DLGAP1: variants seen among roughly 807,000 people sequenced by gnomAD.
DLGAP1 encodes disks large-associated protein 1.
DLGAP1 carries 11 observed loss-of-function variants against 90.8 expected under a neutral mutation model. That is an observed-to-expected ratio of 0.12 (90% confidence interval 0.08 to 0.20). DLGAP1 has a LOEUF of 0.20. DLGAP1 is among the 10% of genes least tolerant of loss of function. The pLI, the probability that DLGAP1 is intolerant of heterozygous loss-of-function variation, is 1.00. For synonymous variants in DLGAP1, 558 were observed against 540.7 expected (o/e 1.03, Z -0.44); for missense variants, 1,050 against 1,333.8 (o/e 0.79, Z 3.31).
chr18:3,977,299 T>C (rs560089711), intron 3 of DLGAP1, among the ~76,000 whole-genome samples: 7 of 152,302 alleles, frequency 4.6e-5, no homozygotes, highest in African/African-American at 1.4e-4. Flanking sequence ...ATCGAACTCC[T>C]GAGCTCCAGT....
chr18:4,380,129 C>T (rs1208142362), intron 1 of DLGAP1, among the ~76,000 whole-genome samples: 1 of 152,112 alleles, frequency 6.6e-6, no homozygotes, highest in Non-Finnish European at 1.5e-5. Context: ...TAAAATTATA[C>T]TCATGACTAT....
chr18:3,751,205 G>A (rs540125503), intron 5 of DLGAP1, among the ~76,000 whole-genome samples: 1 of 152,308 alleles, frequency 6.6e-6, no homozygotes, highest in East Asian at 1.9e-4. Flanking sequence ...ATCATCTCAT[G>A]AAATGGATGA....
At chr18:3,561,266 C>CAAAAAAAAA (rs71159092) in intron 9 of DLGAP1, among the ~76,000 whole-genome samples, 2 of 110,482 alleles carry the variant, frequency 1.8e-5, no homozygotes, top group Non-Finnish European at 3.8e-5. Context: ...AAAAAAAAAA[C>CAAAAAAAAA]AAAAAAAAAA....
intron 3 of DLGAP1, chr18:3,978,389 T>C (rs1022221065): frequency 3.0e-6 from 1 of 333,074 alleles, no homozygotes; most frequent in Non-Finnish European, 5.9e-6. Flanking sequence ...CCTTGGATGA[T>C]GAGTGATGCA....
chr18:3,642,917 C>T (rs1477793253), intron 7 of DLGAP1, among the ~76,000 whole-genome samples: 2 of 152,224 alleles, frequency 1.3e-5, no homozygotes, highest in Non-Finnish European at 2.9e-5. Context: ...CTCTTCGACA[C>T]TTTCACCCAA....
chr18:4,329,718 TTC>T (rs1432000084), intron 1 of DLGAP1, among the ~76,000 whole-genome samples: 1 of 152,034 alleles, frequency 6.6e-6, no homozygotes, highest in Non-Finnish European at 1.5e-5. Context: ...TTGCATTTAT[TTC>T]TGTTTTTAAT....
intron 3 of DLGAP1, among the ~76,000 whole-genome samples, chr18:3,950,313 C>T (rs2148963757): frequency 6.6e-6 from 1 of 152,312 alleles, no homozygotes; most frequent in Non-Finnish European, 1.5e-5. Context: ...GTTTTCTCTC[C>T]TACCTGGTTA....
intron 1 of DLGAP1, among the ~76,000 whole-genome samples, chr18:4,453,633 T>C (rs2083889991): frequency 6.6e-6 from 1 of 152,224 alleles, no homozygotes; most frequent in Admixed American, 6.5e-5. Context: ...TCAGCATTTC[T>C]CATCTCCATG....
chr18:4,336,889 A>G (rs2081078362), intron 1 of DLGAP1, among the ~76,000 whole-genome samples: 1 of 150,404 alleles, frequency 6.6e-6, no homozygotes, highest in Non-Finnish European at 1.5e-5. Flanking sequence ...TCACGAGGTC[A>G]GGAGATCGAG....
At chr18:4,160,741 C>T (rs767853555) in intron 1 of DLGAP1, among the ~76,000 whole-genome samples, 3 of 152,240 alleles carry the variant, frequency 2.0e-5, no homozygotes, top group African/African-American at 7.2e-5. Flanking sequence ...GTCAAATGTG[C>T]AGATTTATTT....
At chr18:4,448,630 C>T (rs1466352287) in intron 1 of DLGAP1, among the ~76,000 whole-genome samples, 1 of 152,166 alleles carries the variant, frequency 6.6e-6, no homozygotes, top group African/African-American at 2.4e-5. Flanking sequence ...GTGGTATCTA[C>T]AGCAGGGTGC....
In DLGAP1 at chr18:4,376,833, G is replaced by A. The variant is rs189443628; in HGVS notation, c.-267+78173C>T. On this transcript the variant is annotated intron_variant, in intron 1 of 12. Transcript: ENST00000315677. ...ACAGAGCAGAGCCCTGGGTTTTCAGGTGTTCGAACTTGGCATTGTGCATTG... is the reference window on the plus strand; with the variant it reads ...ACAGAGCAGAGCCCTGGGTTTTCAGATGTTCGAACTTGGCATTGTGCATTG... Among the ~76,000 whole-genome samples the A allele has an allele frequency of 3.7e-3, 567 of 152,218 alleles. 6 individuals carry two copies. The highest frequency in any genetic ancestry group is 0.013 in the African/African-American group (554 of 41,532).
intron 1 of DLGAP1, among the ~76,000 whole-genome samples, chr18:4,324,635 C>T (rs557562325): frequency 2.6e-5 from 4 of 152,176 alleles, no homozygotes; most frequent in African/African-American, 9.6e-5. Context: ...ACTACCAAAT[C>T]AAATCCAGCA....
chr18:3,966,288 T>C (rs1008259079), intron 3 of DLGAP1, among the ~76,000 whole-genome samples: 2 of 151,830 alleles, frequency 1.3e-5, no homozygotes, highest in African/African-American at 2.4e-5. Flanking sequence ...TAGTAGGAGA[T>C]GAGGATGGAG....
rs1568107988 is a variant in DLGAP1, at chr18:3,772,336, C to CCTTCCTT, written c.1173-29825_1173-29824insAAGGAAG. ...TTCCTTCCTTCCTTTCTCTCCTTCTCTCTCTCTCTCTCTTTCTTTCTTTCT... is the reference window on the plus strand; with the variant it reads ...TTCCTTCCTTCCTTTCTCTCCTTCTCCTTCCTTTCTCTCTCTCTCTTTCTTTCTTTCT... On this transcript the variant is annotated intron_variant, in intron 5 of 12. Transcript: ENST00000315677. Among the ~76,000 whole-genome samples the CCTTCCTT allele has an allele frequency of 3.6e-4, 15 of 41,104 alleles. 1 individual carries two copies. Among genetic ancestry groups the CCTTCCTT allele is most frequent in the African/African-American group, 1.2e-3 (12 of 10,118 alleles). The allele number at this position is 41,104 out of a possible 152,430, so 27.0% of individuals were successfully genotyped here.
intron 2 of DLGAP1, among the ~76,000 whole-genome samples, chr18:4,081,181 C>A (rs908573970): frequency 2.6e-5 from 4 of 152,066 alleles, no homozygotes; most frequent in Admixed American, 2.6e-4. Context: ...AGCCACTGTG[C>A]CCAGCTGAAT....
At chr18:3,676,083 C>G in intron 7 of DLGAP1, among the ~76,000 whole-genome samples, 1 of 152,162 alleles carries the variant, frequency 6.6e-6, no homozygotes, top group East Asian at 1.9e-4. Flanking sequence ...CAAACAGCAG[C>G]CTGTAAGATC....
At chr18:4,020,938 T>C (rs2074598697) in intron 2 of DLGAP1, among the ~76,000 whole-genome samples, 1 of 152,120 alleles carries the variant, frequency 6.6e-6, no homozygotes, top group Admixed American at 6.5e-5. Context: ...ATGGACCAGC[T>C]GACACCACCC....
chr18:3,669,148 C>T (rs1304304301), intron 7 of DLGAP1, among the ~76,000 whole-genome samples: 7 of 117,866 alleles, frequency 5.9e-5, no homozygotes, highest in South Asian at 2.7e-4. Flanking sequence ...AGAAAGACAA[C>T]GCAGACTGGT....
Sources: allele counts gnomAD v4.1 joint callset (sites outside exome capture counted in the v4.1 genomes callset), GRCh38; gene constraint gnomAD v4.1.1; transcripts MANE v1.5; gene names NCBI Gene and HGNC (gene_info 2026-07-23, HGNC 2026-07-21).